The following SLC23A2 variants were observed in gnomAD, a reference collection of about 807,000 sequenced individuals.
SLC23A2 encodes solute carrier family 23 member 2, also known as Na(+)/L-ascorbic acid transporter 2.
Under a neutral mutation model 73.3 loss-of-function variants are expected in SLC23A2, and 36 were observed. That is an observed-to-expected ratio of 0.49 (90% CI 0.38 to 0.65). The LOEUF (loss-of-function observed/expected upper bound fraction) is 0.65. Among genes scored for constraint, SLC23A2 ranks in the 30% least tolerant of loss-of-function variants. The pLI is 0.00. For missense variants in SLC23A2, 507 were observed against 841.6 expected (o/e 0.60, Z 4.92); for synonymous variants, 343 against 327.3 (o/e 1.05, Z -0.52).
At chr20:4,978,059 C>T (rs1353840428) in intron 1 of SLC23A2, among the ~76,000 whole-genome samples, 1 of 152,174 alleles carries the variant, frequency 6.6e-6, no homozygotes, top group African/African-American at 2.4e-5. Context: ...TTAAAGACAC[C>T]TTTCCTAATT....
intron 1 of SLC23A2, among the ~76,000 whole-genome samples, chr20:4,972,260 G>A (rs1157793572): frequency 3.3e-5 from 5 of 151,950 alleles, no homozygotes; most frequent in African/African-American, 7.3e-5. Context: ...GGGCAAGTTA[G>A]CATCAACAAT....
At chr20:4,884,938 C>A in intron 7 of SLC23A2, 115 bp from the exon 8 acceptor site, 1 of 603,834 alleles carries the variant, frequency 1.7e-6, no homozygotes. Flanking sequence ...GTTTCAATCC[C>A]CATCCCTAAA....
upstream of SLC23A2, among the ~76,000 whole-genome samples, chr20:5,005,111 C>G: frequency 6.6e-6 from 1 of 151,492 alleles, no homozygotes. Context: ...TCTCTAGTCT[C>G]GGCTTCTTTT....
chr20:4,938,604 C>T (rs1293470123), intron 2 of SLC23A2, among the ~76,000 whole-genome samples: 4 of 152,186 alleles, frequency 2.6e-5, no homozygotes, highest in African/African-American at 4.8e-5. Context: ...GGATTACAGG[C>T]GTGAGCCACC....
At chr20:4,913,906 C>T (rs1932241909) in intron 3 of SLC23A2, among the ~76,000 whole-genome samples, 1 of 151,946 alleles carries the variant, frequency 6.6e-6, no homozygotes, top group Admixed American at 6.6e-5. Flanking sequence ...GGATTATAGG[C>T]ATGAGCCACC....
intron 1 of SLC23A2, among the ~76,000 whole-genome samples, chr20:4,991,168 C>T (rs1294885376): frequency 6.6e-6 from 1 of 151,956 alleles, no homozygotes; most frequent in African/African-American, 2.4e-5. Context: ...AGTGCGGTGG[C>T]ACCATCACAA....
chr20:4,867,057 T>TAAAAAAAA (rs71197732), intron 13 of SLC23A2, among the ~76,000 whole-genome samples: 1 of 76,504 alleles, frequency 1.3e-5, no homozygotes, highest in African/African-American at 5.6e-5. Context: ...AAGCGATCCC[T>TAAAAAAAA]AAAAAAAAAA....
At chr20:4,961,255 G>A (rs1433262429) in intron 2 of SLC23A2, among the ~76,000 whole-genome samples, 1 of 151,782 alleles carries the variant, frequency 6.6e-6, no homozygotes, top group African/African-American at 2.4e-5. Flanking sequence ...CTAATTTTTT[G>A]TATTTTTAGT....
At chr20:4,987,356 G>C (rs2681118) in intron 1 of SLC23A2, among the ~76,000 whole-genome samples, 1 of 152,010 alleles carries the variant, frequency 6.6e-6, no homozygotes, top group African/African-American at 2.4e-5. Flanking sequence ...TCCAACAGCC[G>C]GGGCTAAAAC....
At chr20:4,892,052 C>T (rs557484590) in intron 6 of SLC23A2, among the ~76,000 whole-genome samples, 1 of 152,194 alleles carries the variant, frequency 6.6e-6, no homozygotes, top group South Asian at 2.1e-4. Context: ...TGGTGTCCTG[C>T]TCACTAACAG....
intron 1 of SLC23A2, among the ~76,000 whole-genome samples, chr20:4,980,671 C>T (rs977938903): frequency 6.6e-6 from 1 of 151,802 alleles, no homozygotes; most frequent in African/African-American, 2.4e-5. Context: ...GCTGGGATTA[C>T]AGGTGGCTGC....
At chr20:4,879,083 G>C (rs980724819) in intron 9 of SLC23A2, among the ~76,000 whole-genome samples, 1 of 152,148 alleles carries the variant, frequency 6.6e-6, no homozygotes, top group African/African-American at 2.4e-5. Flanking sequence ...CATCATTCAA[G>C]TAGGAGGCAT....
In SLC23A2 at chr20:4,952,103, C is replaced by CAAAAAAAAAA. The variant is rs57832305; in HGVS notation, c.-155+18680_-155+18689dup. 2.9e-3 allele frequency among the ~76,000 whole-genome samples: 119 copies of CAAAAAAAAAA among 40,468 alleles called. 1 individual carries two copies. The highest frequency in any genetic ancestry group is 4.3e-3 in the East Asian group (5 of 1,162). 26.5% of individuals were successfully genotyped at this position (40,468 alleles called of 152,430 possible). Reference sequence around the variant, plus strand: ...TGGGCGACAGAGCAAGACTCTGACTCAAAAAAAAAAAAAAAAAAAAAAAAA... The same window carrying CAAAAAAAAAA: ...TGGGCGACAGAGCAAGACTCTGACTCAAAAAAAAAAAAAAAAAAAAAAAAAAAAAAAAAAA... On this transcript the variant is annotated intron_variant, in intron 2 of 16. Coordinates refer to ENST00000338244, the MANE Select transcript of SLC23A2 (RefSeq NM_005116.6).
intron 4 of SLC23A2, among the ~76,000 whole-genome samples, chr20:4,904,002 A>C (rs191844116): frequency 5.9e-5 from 9 of 152,232 alleles, no homozygotes; most frequent in Non-Finnish European, 1.2e-4. Flanking sequence ...CCTCTTAAAC[A>C]TGTCTTTTTA....
intron 2 of SLC23A2, among the ~76,000 whole-genome samples, chr20:4,952,103 C>CAAAAAAAAAAA (rs57832305): frequency 4.7e-4 from 19 of 40,510 alleles, no homozygotes; most frequent in Admixed American, 7.8e-4. Context: ...GACTCTGACT[C>CAAAAAAAAAAA]AAAAAAAAAA....
At chr20:4,965,840 G>T (rs769724920) in intron 2 of SLC23A2, among the ~76,000 whole-genome samples, 1 of 152,002 alleles carries the variant, frequency 6.6e-6, no homozygotes, top group Non-Finnish European at 1.5e-5. Context: ...GGTGGCATGC[G>T]CCTGTAATTC....
intron 2 of SLC23A2, among the ~76,000 whole-genome samples, chr20:4,943,474 C>T (rs2087073644): frequency 6.6e-6 from 1 of 151,348 alleles, no homozygotes; most frequent in Non-Finnish European, 1.5e-5. Context: ...TCAAGACCAG[C>T]CTGGGCAACG....
At chr20:4,927,077 C>A (rs1280265776) in intron 3 of SLC23A2, among the ~76,000 whole-genome samples, 1 of 152,058 alleles carries the variant, frequency 6.6e-6, no homozygotes, top group African/African-American at 2.4e-5. Context: ...GCCAACATTT[C>A]AGCCTCGCAA....
chr20:4,867,849 C>T lies in SLC23A2; in HGVS notation c.1277G>A (p.Cys426Tyr), dbSNP rs750805911. Residue 426 changes from cysteine (C) to tyrosine (Y), a missense_variant, in exon 13 of 17, where the codon TGT becomes TAT. Cys to Tyr is a radical substitution (Grantham distance 194). Around this residue, in one of 5 missense-constraint regions of SLC23A2, gnomAD observed 168 missense variants for 302.3 expected, o/e 0.56. Transcript: ENST00000338244. ...NRGIFVEGLS[C>Y]VLDGIFGTGN... ...AGTACCAAATATGCCATCAAGAACA[C>T]AGGAGAGGCCTTCCACGAAAATTCC... 6.2e-7 allele frequency: 1 copy of T among 1,609,030 alleles called. No individual in the cohort carries two copies.
Sources: allele counts gnomAD v4.1 joint callset (sites outside exome capture counted in the v4.1 genomes callset), GRCh38; gene constraint gnomAD v4.1.1; regional missense constraint gnomAD v4.1.1; transcripts MANE v1.5; gene names NCBI Gene and HGNC (gene_info 2026-07-23, HGNC 2026-07-21).